MCTP2: variants seen among roughly 807,000 people sequenced by gnomAD.
The protein encoded by MCTP2 is multiple C2 and transmembrane domain containing 2, also known as multiple C2 and transmembrane domain-containing protein 2.
MCTP2 carries 132 observed loss-of-function variants against 111.6 expected under a neutral mutation model. The observed-to-expected ratio is 1.18, with a 90% CI of 1.03 to 1.37. The LOEUF is 1.37. MCTP2 is among the 40% of genes most tolerant of loss of function. The pLI is 0.00. For missense variants in MCTP2, 1,183 were observed against 1,067.9 expected, an observed-to-expected ratio of 1.11 and a Z score of -1.50; for synonymous variants, 395 against 387.7, an observed-to-expected ratio of 1.02 and a Z score of -0.22.
chr15:94,455,091 G>C (rs1032101310), intron 19 of MCTP2, among the ~76,000 whole-genome samples: 3 of 152,208 alleles, frequency 2.0e-5, no homozygotes, highest in Admixed American at 6.5e-5. Context: ...CAGAGTACTG[G>C]GATTGCAGGC....
chr15:94,304,321 G>T (rs1407752427), intron 2 of MCTP2, among the ~76,000 whole-genome samples: 1 of 152,060 alleles, frequency 6.6e-6, no homozygotes, highest in Non-Finnish European at 1.5e-5. Flanking sequence ...ACATGCCTGT[G>T]GTCCCAGCTA....
intron 17 of MCTP2, among the ~76,000 whole-genome samples, chr15:94,404,804 G>T (rs1169438539): frequency 1.3e-5 from 2 of 152,148 alleles, no homozygotes; most frequent in Non-Finnish European, 2.9e-5. Context: ...GGGGCTTCAT[G>T]ATGGGTTGTC....
intron 19 of MCTP2, among the ~76,000 whole-genome samples, chr15:94,445,799 C>T (rs930365931): frequency 2.0e-5 from 3 of 152,214 alleles, no homozygotes; most frequent in African/African-American, 7.2e-5. Flanking sequence ...ATTATAAACA[C>T]ACAGCCATTT....
At chr15:94,451,499 TG>T (rs1437357484) in intron 19 of MCTP2, among the ~76,000 whole-genome samples, 1 of 152,228 alleles carries the variant, frequency 6.6e-6, no homozygotes, top group African/African-American at 2.4e-5. Flanking sequence ...ACAATAATCT[TG>T]TTCATTTATT....
intron 1 of MCTP2, among the ~76,000 whole-genome samples, chr15:94,265,633 A>G (rs1220874141): frequency 6.6e-6 from 1 of 152,226 alleles, no homozygotes; most frequent in Non-Finnish European, 1.5e-5. Context: ...CTAAAAGTAG[A>G]TCATAGAGAT....
chr15:94,472,522 A>C (rs570903165), intron 21 of MCTP2, among the ~76,000 whole-genome samples: 8 of 152,316 alleles, frequency 5.3e-5, no homozygotes, highest in Non-Finnish European at 8.8e-5. Flanking sequence ...GCAGCTTTCC[A>C]ACAACTTTTT....
At chr15:94,265,874 C>T (rs1162701890) in intron 1 of MCTP2, among the ~76,000 whole-genome samples, 2 of 152,170 alleles carry the variant, frequency 1.3e-5, no homozygotes, top group Non-Finnish European at 2.9e-5. Flanking sequence ...TGTAATTAAA[C>T]ATGTCATCAA....
At chr15:94,312,842 G>A (rs1299385639) in intron 2 of MCTP2, among the ~76,000 whole-genome samples, 1 of 152,122 alleles carries the variant, frequency 6.6e-6, no homozygotes, top group East Asian at 1.9e-4. Flanking sequence ...ACCATTTCTC[G>A]TGGGTGCTGA....
rs58768404 is a variant in MCTP2, at chr15:94,443,981, C to CAAAAAAA, written c.2250+1040_2250+1046dup. 6.1e-4 allele frequency among the ~76,000 whole-genome samples: 42 copies of CAAAAAAA among 69,408 alleles called. 3 individuals carry two copies. The highest frequency in any genetic ancestry group is 9.9e-4 in the African/African-American group (16 of 16,160). The allele number at this position is 69,408 out of a possible 152,430, so 45.5% of individuals were successfully genotyped here. ...TAAGGTTTATAATGGGATATTTTAC[C>CAAAAAAA]AAAAAAAAAAAAAAAAAAAAAAAAA... On this transcript the variant is annotated intron_variant, in intron 19 of 22. Transcript: ENST00000357742.
At chr15:94,262,231 C>T (rs1244760755) in intron 1 of MCTP2, among the ~76,000 whole-genome samples, 2 of 152,104 alleles carry the variant, frequency 1.3e-5, no homozygotes, top group Non-Finnish European at 2.9e-5. Flanking sequence ...TTAAATATAA[C>T]ATTTCATGAT....
Position 94,435,633 on chromosome 15 carries a change from T to C in MCTP2, c.2086-4543T>C, listed in dbSNP as rs1413738309. ...AAAAGTTGTACTTTTTTTATTCTTT[T>C]TTTTTTTTTTTTTTTTGAGACGGAG... is the stretch of plus-strand genomic sequence containing the variant. On this transcript the variant is annotated intron_variant, in intron 17 of 22. Coordinates refer to ENST00000357742, the MANE Select transcript of MCTP2 (RefSeq NM_001385001.1). Among the ~76,000 whole-genome samples, 13 of 115,354 alleles carry C rather than the reference T, an allele frequency of 1.1e-4. 1 individual carries two copies. Among genetic ancestry groups the C allele is most frequent in the Admixed American group, 1.1e-3 (13 of 12,210 alleles). 75.7% of individuals were successfully genotyped at this position (115,354 alleles called of 152,430 possible). A position where few individuals can be genotyped will look rare whatever the true frequency, so the allele number is the denominator to read the frequency against.
In MCTP2 at chr15:94,361,049, G is replaced by C. The variant is rs529991414; in HGVS notation, c.1301+2437G>C. Among the ~76,000 whole-genome samples the C allele has an allele frequency of 1.8e-4, 19 of 104,960 alleles. No homozygotes were observed. The South Asian group carries it at 4.3e-3, about 24-fold the overall frequency. The allele number at this position is 104,960 out of a possible 152,430, so 68.9% of individuals were successfully genotyped here. ...GTACATCACTGACATGCTACTTATG[G>C]TTCCTTCTTCCTGGCTATTGTTTAA... On this transcript the variant is annotated intron_variant, in intron 10 of 22. Transcript: ENST00000357742.
chr15:94,404,589 G>T (rs935726239), intron 17 of MCTP2, among the ~76,000 whole-genome samples: 17 of 152,074 alleles, frequency 1.1e-4, no homozygotes, highest in East Asian at 5.8e-4. Flanking sequence ...TTGAGCCACC[G>T]CACCTGGCCT....
intron 14 of MCTP2, among the ~76,000 whole-genome samples, chr15:94,397,773 G>A (rs1412688466): frequency 6.6e-6 from 1 of 152,184 alleles, no homozygotes; most frequent in East Asian, 1.9e-4. Context: ...TGTAGTGACA[G>A]CAATAGTCAT....
chr15:94,307,410 A>G (rs58017047), intron 2 of MCTP2, among the ~76,000 whole-genome samples: 5,196 of 152,216 alleles, frequency 0.034, 309 homozygotes, highest in African/African-American at 0.12. Flanking sequence ...GAAAAAGAGA[A>G]CAGCAAGCAT....
intron 20 of MCTP2, among the ~76,000 whole-genome samples, chr15:94,463,809 A>G (rs2085358478): frequency 6.6e-6 from 1 of 151,752 alleles, no homozygotes; most frequent in African/African-American, 2.4e-5. Flanking sequence ...TTTCCCTAAC[A>G]TTTTCACCTG....
chr15:94,296,916 G>T (rs1334882157), intron 1 of MCTP2, among the ~76,000 whole-genome samples: 6 of 152,186 alleles, frequency 3.9e-5, no homozygotes. Flanking sequence ...TAGAGACAAA[G>T]TCCTGACTTT....
intron 17 of MCTP2, among the ~76,000 whole-genome samples, chr15:94,419,680 C>T (rs767584974): frequency 5.9e-5 from 9 of 151,808 alleles, no homozygotes; most frequent in Admixed American, 2.6e-4. Flanking sequence ...CCCTATGTAT[C>T]TTCACCTCTT....
chr15:94,255,456 G>A (rs1026025062), intron 1 of MCTP2, among the ~76,000 whole-genome samples: 24 of 151,428 alleles, frequency 1.6e-4, no homozygotes, highest in Non-Finnish European at 2.2e-4. Flanking sequence ...TAACTTTTTA[G>A]CAGTTTGACT....
Sources: gnomAD v4.1 joint callset for allele counts (sites outside exome capture counted in the v4.1 genomes callset) on GRCh38, gnomAD v4.1.1 for gene constraint, MANE v1.5 for transcripts, NCBI Gene and HGNC (gene_info 2026-07-23, HGNC 2026-07-21) for gene names.